RIC1: variants seen among roughly 807,000 people sequenced by gnomAD.
The protein encoded by RIC1 is RIC1 partner of RAB6A GEF complex.
A neutral mutation model predicts 169.0 loss-of-function variants in RIC1; 88 were observed. The observed-to-expected ratio is 0.52, with a 90% CI of 0.44 to 0.62. The LOEUF is 0.62. RIC1 is among the 20% of genes least tolerant of loss of function. The pLI is 0.00. For synonymous variants in RIC1, 790 were observed against 601.5 expected, an observed-to-expected ratio of 1.31 and a Z score of -4.59; for missense variants, 1,877 against 1,725.5, an observed-to-expected ratio of 1.09 and a Z score of -1.56.
chr9:5,645,275 C>G (rs894665907), intron 1 of RIC1, among the ~76,000 whole-genome samples: 1 of 152,142 alleles, frequency 6.6e-6, no homozygotes, highest in East Asian at 1.9e-4. Flanking sequence ...TGGTCTTAAA[C>G]TCCCATCGTC....
chr9:5,674,018 T>G (rs992307222), intron 2 of RIC1, among the ~76,000 whole-genome samples: 1 of 152,188 alleles, frequency 6.6e-6, no homozygotes, highest in Non-Finnish European at 1.5e-5. Context: ...GTGCTCGTCA[T>G]AACCAGTTAC....
chr9:5,682,309 T>G (rs1298468420), intron 2 of RIC1, among the ~76,000 whole-genome samples: 1 of 152,230 alleles, frequency 6.6e-6, no homozygotes, highest in Admixed American at 6.5e-5. Context: ...GTTTTTCCTT[T>G]CCACGTTTAG....
chr9:5,651,219 C>T (rs375813859), intron 1 of RIC1, among the ~76,000 whole-genome samples: 316 of 152,286 alleles, frequency 2.1e-3, no homozygotes, highest in African/African-American at 7.3e-3. Flanking sequence ...CTGCTCTGTG[C>T]TCCAGGTCGA....
rs1360956505 is a variant in RIC1, at chr9:5,773,150, G to A, written c.3983+70G>A. The A allele has an allele frequency of 2.1e-5, 18 of 839,934 alleles. No individual in the cohort carries two copies. The South Asian group carries it at 6.1e-4, about 28-fold the overall frequency. The allele number at this position is 839,934 out of a possible 1,614,324, so 52.0% of individuals were successfully genotyped here. A position where few individuals can be genotyped will look rare whatever the true frequency, so the allele number is the denominator to read the frequency against. On this transcript the variant is annotated intron_variant, in intron 25 of 25. Transcript: ENST00000414202. ...GGTGAATCCTGTCCTTTCACATTAA[G>A]GCCTAGTTATGGTTCATGTGTTACA... is the stretch of plus-strand genomic sequence containing the variant.
chr9:5,655,940 G>A (rs1269424919), intron 1 of RIC1, among the ~76,000 whole-genome samples: 1 of 151,918 alleles, frequency 6.6e-6, no homozygotes, highest in East Asian at 1.9e-4. Flanking sequence ...TGTGATCTCG[G>A]CTCACTGCAA....
chr9:5,735,221 C>G (rs1824626132), intron 7 of RIC1, among the ~76,000 whole-genome samples: 1 of 151,424 alleles, frequency 6.6e-6, no homozygotes, highest in African/African-American at 2.4e-5. Context: ...TGGCATTTAC[C>G]TTGTTTATCT....
intron 2 of RIC1, among the ~76,000 whole-genome samples, chr9:5,686,516 C>T (rs1821236454): frequency 6.6e-6 from 1 of 151,406 alleles, no homozygotes; most frequent in Admixed American, 6.6e-5. Context: ...TCTCAGTAAA[C>T]TATCACAAGA....
At chr9:5,708,511 T>G (rs1364318896) in intron 3 of RIC1, among the ~76,000 whole-genome samples, 1 of 152,156 alleles carries the variant, frequency 6.6e-6, no homozygotes, top group Non-Finnish European at 1.5e-5. Flanking sequence ...AATTCATTAA[T>G]TTCTTTTTTG....
chr9:5,643,277 T>C (rs1818340108), intron 1 of RIC1, among the ~76,000 whole-genome samples: 1 of 152,232 alleles, frequency 6.6e-6, no homozygotes, highest in Admixed American at 6.5e-5. Flanking sequence ...AAAATCTCCT[T>C]TTAAATTTGT....
At chr9:5,729,533 C>G (rs1017406508) in intron 6 of RIC1, among the ~76,000 whole-genome samples, 16 of 152,108 alleles carry the variant, frequency 1.1e-4, no homozygotes, top group African/African-American at 3.9e-4. Flanking sequence ...ATGCCGCCTC[C>G]TATTATTTTT....
Position 5,656,579 on chromosome 9 carries a change from A to G in RIC1, c.145-4A>G, listed in dbSNP as rs549590337. 49 of 1,464,028 alleles carry G rather than the reference A, an allele frequency of 3.3e-5. No homozygotes were observed. The South Asian group carries it at 6.1e-4, about 18-fold the overall frequency. The allele number at this position is 1,464,028 out of a possible 1,614,324, so 90.7% of individuals were successfully genotyped here. ...ACAACTTTTTTTTTTTTTTAATCAC[A>G]CAGCCTAGTGTGTTAATTGTAACCT... On this transcript the variant is annotated splice_polypyrimidine_tract_variant and splice_region_variant and intron_variant, in intron 1 of 25. Coordinates refer to ENST00000414202, the MANE Select transcript of RIC1 (RefSeq NM_020829.4).
chr9:5,665,213 G>C (rs529366917), intron 2 of RIC1, among the ~76,000 whole-genome samples: 1 of 151,618 alleles, frequency 6.6e-6, no homozygotes, highest in Non-Finnish European at 1.5e-5. Flanking sequence ...AGCTCTAATA[G>C]GTCAGTTAAC....
downstream of RIC1, among the ~76,000 whole-genome samples, chr9:5,777,209 C>A (rs1490526843): frequency 6.6e-6 from 1 of 151,692 alleles, no homozygotes; most frequent in African/African-American, 2.4e-5. Context: ...TGCTGGAGTT[C>A]TTTATATATT....
At chr9:5,718,488 A>G (rs944370316) in intron 4 of RIC1, among the ~76,000 whole-genome samples, 2 of 152,186 alleles carry the variant, frequency 1.3e-5, no homozygotes, top group African/African-American at 4.8e-5. Flanking sequence ...TAAGGAAGAA[A>G]GCTAATCTAT....
intron 5 of RIC1, 113 bp downstream of exon 5, chr9:5,720,437 G>A: frequency 8.2e-7 from 1 of 1,225,822 alleles, no homozygotes; most frequent in Non-Finnish European, 1.1e-6. Context: ...GGGAGAGGTG[G>A]GCAGAGTATG....
intron 6 of RIC1, among the ~76,000 whole-genome samples, chr9:5,724,349 G>C (rs1015054078): frequency 1.3e-5 from 2 of 152,166 alleles, no homozygotes; most frequent in East Asian, 1.9e-4. Flanking sequence ...CTCATGATTT[G>C]GTTCTGTGTT....
intron 7 of RIC1, 91 bp downstream of exon 7, chr9:5,732,570 T>G: frequency 4.3e-6 from 3 of 705,302 alleles, no homozygotes; most frequent in Non-Finnish European, 4.8e-6. Flanking sequence ...CCTAACATAC[T>G]TATAAACTGC....
At chr9:5,750,276 T>G (rs1825644152) in intron 12 of RIC1, among the ~76,000 whole-genome samples, 1 of 151,974 alleles carries the variant, frequency 6.6e-6, no homozygotes, top group Admixed American at 6.5e-5. Flanking sequence ...TTGTATGATG[T>G]AAGCATTTAC....
At chr9:5,677,047 G>C (rs916963742) in intron 2 of RIC1, among the ~76,000 whole-genome samples, 1 of 152,172 alleles carries the variant, frequency 6.6e-6, no homozygotes, top group Admixed American at 6.5e-5. Flanking sequence ...ATATCCATGA[G>C]TGGAACAGCT....
Sources: allele counts gnomAD v4.1 joint callset (sites outside exome capture counted in the v4.1 genomes callset), GRCh38; gene constraint gnomAD v4.1.1; transcripts MANE v1.5; gene names NCBI Gene and HGNC (gene_info 2026-07-23, HGNC 2026-07-21).